KCTD16: variants seen among roughly 807,000 people sequenced by gnomAD.
KCTD16 encodes the protein potassium channel tetramerization domain containing 16.
KCTD16 carries 13 observed loss-of-function variants against 33.2 expected under a neutral mutation model. The ratio of observed to expected loss-of-function variants is 0.39; its 90% CI spans 0.25 to 0.62. The LOEUF (loss-of-function observed/expected upper bound fraction) is 0.62, where lower values mean the gene tolerates loss of function less well. Among genes scored for constraint, KCTD16 ranks in the 20% least tolerant of loss-of-function variants. KCTD16 has a pLI of 0.50. For missense variants in KCTD16, 441 were observed against 525.1 expected, an observed-to-expected ratio of 0.84 and a Z score of 1.57; for synonymous variants, 197 against 195.3, an observed-to-expected ratio of 1.01 and a Z score of -0.07.
At chr5:144,387,159 T>TTTTGG (rs35523828) in intron 3 of KCTD16, among the ~76,000 whole-genome samples, 1 of 146,406 alleles carries the variant, frequency 6.8e-6, no homozygotes, top group East Asian at 1.9e-4. Context: ...TTTTTTTTTT[T>TTTTGG]GAGAGACAGA....
chr5:144,304,982 T>A (rs921861439), intron 3 of KCTD16, among the ~76,000 whole-genome samples: 1 of 147,440 alleles, frequency 6.8e-6, no homozygotes, highest in Non-Finnish European at 1.5e-5. Flanking sequence ...AAAATCTTTT[T>A]TTTTTTTTTT....
rs532712341 is a variant in KCTD16 at position 144,420,617 on chromosome 5, C to A, written c.833-53043C>A. ...TTTTATAGAGGCTGAGGATTGAATC[C>A]ATGTTTGGGTGTTCTTTGTCAGGGG... On this transcript the variant is annotated intron_variant, in intron 3 of 3. Transcript: ENST00000512467. Among the ~76,000 whole-genome samples the A allele has an allele frequency of 5.3e-5, 8 of 151,950 alleles. No individual in the cohort carries two copies. The East Asian group carries it at 1.4e-3, about 26-fold the overall frequency.
chr5:144,249,243 T>C (rs986121803), intron 3 of KCTD16, among the ~76,000 whole-genome samples: 1 of 152,192 alleles, frequency 6.6e-6, no homozygotes, highest in Non-Finnish European at 1.5e-5. Flanking sequence ...TTCTGTAATA[T>C]TCTTATACTC....
intron 3 of KCTD16, among the ~76,000 whole-genome samples, chr5:144,233,547 C>G (rs532356090): frequency 3.9e-5 from 6 of 152,232 alleles, no homozygotes; most frequent in Admixed American, 1.3e-4. Context: ...CACATCCAAA[C>G]CCTTTTTGCT....
chr5:144,223,961 A>T (rs926148195), intron 3 of KCTD16, among the ~76,000 whole-genome samples: 3 of 151,926 alleles, frequency 2.0e-5, no homozygotes, highest in Non-Finnish European at 2.9e-5. Context: ...TTTTAAAAAA[A>T]CCCGACCCAG....
chr5:144,230,862 C>A (rs940782037), intron 3 of KCTD16, among the ~76,000 whole-genome samples: 1 of 152,204 alleles, frequency 6.6e-6, no homozygotes, highest in Non-Finnish European at 1.5e-5. Flanking sequence ...GTTTGTCAGG[C>A]AGACAACACA....
At chr5:144,366,037 C>A (rs74901767) in intron 3 of KCTD16, among the ~76,000 whole-genome samples, 2,961 of 152,244 alleles carry the variant, frequency 0.019, 86 homozygotes, top group African/African-American at 0.067. Context: ...GGAGGAGATA[C>A]ACTTTTTAAT....
intron 3 of KCTD16, among the ~76,000 whole-genome samples, chr5:144,269,698 G>A (rs1755242604): frequency 6.6e-6 from 1 of 152,050 alleles, no homozygotes; most frequent in Non-Finnish European, 1.5e-5. Flanking sequence ...CGTTATGAAA[G>A]CAAGTATTAT....
intron 3 of KCTD16, among the ~76,000 whole-genome samples, chr5:144,460,401 AT>A (rs1352406134): frequency 6.6e-6 from 1 of 151,966 alleles, no homozygotes; most frequent in Non-Finnish European, 1.5e-5. Context: ...TCCACCATAT[AT>A]TCTGTTTTAT....
chr5:144,443,802 C>T (rs80027396), intron 3 of KCTD16, among the ~76,000 whole-genome samples: 7,591 of 151,962 alleles, frequency 0.05, 640 homozygotes, highest in African/African-American at 0.17. Context: ...TTTTGAGGAT[C>T]TATAGCTGTC....
At chr5:144,311,535 C>G (rs1165543144) in intron 3 of KCTD16, among the ~76,000 whole-genome samples, 1 of 152,114 alleles carries the variant, frequency 6.6e-6, no homozygotes, top group Admixed American at 6.6e-5. Flanking sequence ...TATTACTTAT[C>G]ATAGGAACCC....
chr5:144,326,139 A>C (rs1035046299), intron 3 of KCTD16, among the ~76,000 whole-genome samples: 2 of 152,174 alleles, frequency 1.3e-5, no homozygotes, highest in Non-Finnish European at 2.9e-5. Flanking sequence ...ATTTTATAAA[A>C]TATTTGGCAG....
chr5:144,266,273 G>GA (rs1181350407), intron 3 of KCTD16, among the ~76,000 whole-genome samples: 3 of 152,084 alleles, frequency 2.0e-5, no homozygotes, highest in African/African-American at 4.8e-5. Context: ...GCACCTGGGG[G>GA]AAATAAAAAA....
chr5:144,385,014 A>G (rs1752293846), intron 3 of KCTD16, among the ~76,000 whole-genome samples: 1 of 152,244 alleles, frequency 6.6e-6, no homozygotes, highest in Non-Finnish European at 1.5e-5. Flanking sequence ...TGACATTCAA[A>G]TAAGTGGGAC....
intron 3 of KCTD16, among the ~76,000 whole-genome samples, chr5:144,448,009 G>A (rs529519816): frequency 5.9e-5 from 9 of 151,814 alleles, no homozygotes; most frequent in Non-Finnish European, 1.3e-4. Context: ...CTAACTAGAA[G>A]GGCCTTTACA....
intron 3 of KCTD16, among the ~76,000 whole-genome samples, chr5:144,281,944 T>C (rs1042110991): frequency 6.6e-6 from 1 of 152,254 alleles, no homozygotes; most frequent in African/African-American, 2.4e-5. Context: ...CTTTGTAATG[T>C]CCCTCTTTAT....
In KCTD16 at chr5:144,319,991, G is replaced by T. The variant is rs114240960; in HGVS notation, c.832+112445G>T. Among the ~76,000 whole-genome samples, 1,493 of 152,144 alleles carry T rather than the reference G, an allele frequency of 9.8e-3. 21 individuals carry two copies. Among genetic ancestry groups the T allele is most frequent in the African/African-American group, 0.034 (1,403 of 41,518 alleles). ...AAAGAGTTATACATTCAACTTGACT[G>T]AAAGCTCCTCTTTTACCATTGCTTT... On this transcript the variant is annotated intron_variant, in intron 3 of 3. Transcript: ENST00000512467.
intron 3 of KCTD16, among the ~76,000 whole-genome samples, chr5:144,277,970 C>G (rs1157453552): frequency 1.3e-5 from 2 of 152,128 alleles, no homozygotes; most frequent in Non-Finnish European, 2.9e-5. Context: ...TTTCTCCCAA[C>G]ATGTAGCTAG....
chr5:144,444,516 G>A (rs368739036), intron 3 of KCTD16, among the ~76,000 whole-genome samples: 15 of 152,030 alleles, frequency 9.9e-5, no homozygotes, highest in East Asian at 1.9e-4. Context: ...GTTTTTGTAC[G>A]TCAGTCATGC....
Sources: allele counts gnomAD v4.1 joint callset (sites outside exome capture counted in the v4.1 genomes callset), GRCh38; gene constraint gnomAD v4.1.1; transcripts MANE v1.5; gene names NCBI Gene and HGNC (gene_info 2026-07-23, HGNC 2026-07-21).